Variants in GREB1L observed in about 807,000 individuals in gnomAD.
GREB1L encodes the protein GREB1 like retinoic acid receptor coactivator, also known as GREB1-like protein.
A neutral mutation model predicts 200.8 loss-of-function variants in GREB1L; 17 were observed. That is an observed-to-expected ratio of 0.08 (90% CI 0.06 to 0.13). The LOEUF (loss-of-function observed/expected upper bound fraction) is 0.13, where lower values mean the gene tolerates loss of function less well. Ranked by LOEUF, GREB1L falls within the 10% of genes least tolerant of loss-of-function variation. GREB1L has a pLI of 1.00. For synonymous variants in GREB1L, 789 were observed against 893.0 expected (o/e 0.88, Z 2.08); for missense variants, 1,657 against 2,367.7 (o/e 0.70, Z 6.23).
At chr18:21,264,247 GTAAT>G (rs2037932533) in intron 1 of GREB1L, among the ~76,000 whole-genome samples, 1 of 150,748 alleles carries the variant, frequency 6.6e-6, no homozygotes, top group East Asian at 2.0e-4. Context: ...GTTATTTAGT[GTAAT>G]TAATTTTAGA....
chr18:21,522,018 G>T (rs1310032606), intron 32 of GREB1L, among the ~76,000 whole-genome samples: 2 of 24,404 alleles, frequency 8.2e-5, no homozygotes, highest in East Asian at 1.4e-3. Flanking sequence ...AAAAAAAAAG[G>T]TAAGACACAG....
At chr18:21,453,085 T>C (rs1568023914) in intron 14 of GREB1L, among the ~76,000 whole-genome samples, 1 of 152,380 alleles carries the variant, frequency 6.6e-6, no homozygotes, top group East Asian at 1.9e-4. Flanking sequence ...TGTTTTGAAT[T>C]GTTAACACAT....
intron 1 of GREB1L, among the ~76,000 whole-genome samples, chr18:21,245,965 G>A (rs1390262559): frequency 6.6e-6 from 1 of 152,062 alleles, no homozygotes; most frequent in Non-Finnish European, 1.5e-5. Context: ...CTCGTGATCT[G>A]CCCGCCTCAG....
chr18:21,351,445 TGCCTGTAGTTCCA>T (rs1315147129), intron 1 of GREB1L, among the ~76,000 whole-genome samples: 2 of 152,010 alleles, frequency 1.3e-5, no homozygotes, highest in African/African-American at 2.4e-5. Context: ...TGGTGGCGCA[TGCCTGTAGTTCCA>T]GCTCTTCGGG....
At chr18:21,434,499 A>ATATATG (rs1392320151) in intron 7 of GREB1L, among the ~76,000 whole-genome samples, 60 of 127,288 alleles carry the variant, frequency 4.7e-4, no homozygotes, top group Admixed American at 2.1e-3. Flanking sequence ...ATATATATAT[A>ATATATG]TGTGTGTGTG....
Position 21,496,019 on chromosome 18 carries a change from C to G in GREB1L, c.3146+234C>G, listed in dbSNP as rs187096617. On this transcript the variant is annotated intron_variant, in intron 20 of 32. Coordinates refer to ENST00000424526, the MANE Select transcript of GREB1L (RefSeq NM_001142966.3). ...GGCGATAGCCACATTTGAGAAATGT[C>G]AGAGAGGCAGGGAGGAAAAGCAGGA... 3.2e-4 allele frequency among the ~76,000 whole-genome samples: 48 copies of G among 152,250 alleles called. 1 individual carries two copies. The East Asian group carries it at 9.1e-3, about 29-fold the overall frequency.
At chr18:21,302,552 C>T (rs2038634197) in intron 1 of GREB1L, among the ~76,000 whole-genome samples, 1 of 152,142 alleles carries the variant, frequency 6.6e-6, no homozygotes, top group Non-Finnish European at 1.5e-5. Context: ...AGGGTTAAAG[C>T]AGAAGGACTT....
Position 21,452,121 on chromosome 18 carries a change from A to G in GREB1L, c.1888A>G (p.Arg630Gly), listed in dbSNP as rs1186183031. Reference sequence around the variant, plus strand: ...CAAGCTGCTGGAAAAAATGCAACAAAGAAGAGGAGACAGTGTGGTTACCCC... The same window carrying G: ...CAAGCTGCTGGAAAAAATGCAACAAGGAAGAGGAGACAGTGTGGTTACCCC... The part of the protein sequence containing the change: ...LDKLLEKMQQ[R>G]RGDSVVTPFD... The change falls in exon 14 of 33, where the codon AGA (arginine) becomes GGA (glycine). Residue 630 changes from arginine (R) to glycine (G), a missense_variant. This residue lies in a region of GREB1L where 239 missense variants were observed against 421.8 expected (regional missense o/e 0.57). Coordinates refer to ENST00000424526, the MANE Select transcript of GREB1L (RefSeq NM_001142966.3). 1 of 1,552,068 alleles carries G rather than the reference A, an allele frequency of 6.4e-7. No homozygotes were observed. Among genetic ancestry groups the G allele is most frequent in the African/African-American group, 1.4e-5 (1 of 73,052 alleles).
At chr18:21,277,041 G>A (rs1157769992) in intron 1 of GREB1L, among the ~76,000 whole-genome samples, 1 of 148,804 alleles carries the variant, frequency 6.7e-6, no homozygotes, top group African/African-American at 2.5e-5. Flanking sequence ...CCATTCTCCT[G>A]CCTCAGCCTC....
At chr18:21,466,062 ATTTATAT>A (rs1037877333) in intron 15 of GREB1L, among the ~76,000 whole-genome samples, 1 of 152,076 alleles carries the variant, frequency 6.6e-6, no homozygotes, top group African/African-American at 2.4e-5. Flanking sequence ...TTCTCCTGTG[ATTTATAT>A]TTTATGCTTA....
At chr18:21,278,080 A>G (rs555261196) in intron 1 of GREB1L, among the ~76,000 whole-genome samples, 8 of 152,314 alleles carry the variant, frequency 5.3e-5, no homozygotes, top group Non-Finnish European at 1.0e-4. Flanking sequence ...AGATTGAAGG[A>G]TATTAAAGTT....
chr18:21,398,125 A>T (rs2041163494), intron 5 of GREB1L, among the ~76,000 whole-genome samples: 1 of 152,258 alleles, frequency 6.6e-6, no homozygotes, highest in Non-Finnish European at 1.5e-5. Context: ...GAAAAGACAC[A>T]GAAAACACCA....
chr18:21,367,550 C>A (rs1170790990), intron 2 of GREB1L, among the ~76,000 whole-genome samples: 2 of 152,142 alleles, frequency 1.3e-5, no homozygotes, highest in African/African-American at 4.8e-5. Flanking sequence ...GCCTAATCTG[C>A]AAACAAGGTA....
intron 1 of GREB1L, among the ~76,000 whole-genome samples, chr18:21,348,080 GACTAC>G (rs2039378066): frequency 6.6e-6 from 1 of 151,496 alleles, no homozygotes; most frequent in South Asian, 2.1e-4. Flanking sequence ...GAGTAGCTGG[GACTAC>G]AGGCACCCAC....
At chr18:21,473,439 G>A (rs546024838) in intron 16 of GREB1L, among the ~76,000 whole-genome samples, 2 of 152,064 alleles carry the variant, frequency 1.3e-5, no homozygotes, top group African/African-American at 2.4e-5. Context: ...GCCTGGTAGT[G>A]CATGCCTGTA....
intron 1 of GREB1L, among the ~76,000 whole-genome samples, chr18:21,281,301 A>G (rs2038265390): frequency 6.6e-6 from 1 of 152,162 alleles, no homozygotes; most frequent in African/African-American, 2.4e-5. Context: ...TTGAGATTCA[A>G]CTTCTCATTG....
intron 10 of GREB1L, 79 bp from the exon 11 acceptor site, chr18:21,444,145 G>C: frequency 1.0e-6 from 1 of 985,938 alleles, no homozygotes; most frequent in Non-Finnish European, 1.5e-6. Flanking sequence ...AAGCAGCTTT[G>C]ATCGTCGTTG....
At chr18:21,381,420 A>G (rs1451461010) in intron 2 of GREB1L, among the ~76,000 whole-genome samples, 1 of 152,092 alleles carries the variant, frequency 6.6e-6, no homozygotes, top group Non-Finnish European at 1.5e-5. Context: ...AAAAAGAAAA[A>G]AAAAAAAAAG....
intron 7 of GREB1L, among the ~76,000 whole-genome samples, chr18:21,419,728 C>T (rs752109134): frequency 6.6e-6 from 1 of 152,200 alleles, no homozygotes; most frequent in African/African-American, 2.4e-5. Flanking sequence ...GGATTACAGG[C>T]GTGAGCCACT....
Sources: gnomAD v4.1 joint callset for allele counts (sites outside exome capture counted in the v4.1 genomes callset) on GRCh38, gnomAD v4.1.1 for gene constraint, gnomAD v4.1.1 regional missense constraint, MANE v1.5 for transcripts, NCBI Gene and HGNC (gene_info 2026-07-23, HGNC 2026-07-21) for gene names.